LONP1: variants seen among roughly 807,000 people sequenced by gnomAD.
LONP1 encodes the protein lon protease homolog, mitochondrial.
LONP1 carries 31 observed loss-of-function variants against 98.5 expected under a neutral mutation model. That is an observed-to-expected ratio of 0.31 (90% CI 0.24 to 0.42). The LOEUF (loss-of-function observed/expected upper bound fraction) is 0.42, where lower values mean the gene tolerates loss of function less well. Among genes scored for constraint, LONP1 ranks in the 20% least tolerant of loss-of-function variants. The pLI, the probability that LONP1 is intolerant of heterozygous loss-of-function variation, is 1.00. For missense variants in LONP1, 1,336 were observed against 1,350.6 expected, an observed-to-expected ratio of 0.99 and a Z score of 0.17; for synonymous variants, 781 against 594.7, an observed-to-expected ratio of 1.31 and a Z score of -4.56.
chr19:5,693,274 T>C (rs1466979901), intron 17 of LONP1, 24 bp downstream of exon 17: 3 of 1,589,910 alleles, frequency 1.9e-6, no homozygotes, highest in Non-Finnish European at 2.6e-6. Context: ...GCCAGTGCTG[T>C]GGGGTGGGTA....
At chr19:5,696,592 C>G in intron 11 of LONP1, 78 bp downstream of exon 11, 2 of 1,477,092 alleles carry the variant, frequency 1.4e-6, no homozygotes, top group South Asian at 1.2e-5. Context: ...CTCGGGGATC[C>G]TAGGACCCGG....
intron 8 of LONP1, among the ~76,000 whole-genome samples, chr19:5,702,245 G>T (rs1168224386): frequency 2.1e-5 from 2 of 93,216 alleles, no homozygotes; most frequent in Admixed American, 2.0e-4. Flanking sequence ...CCGTCTGGGA[G>T]GGAGGTTGGG....
In LONP1 at chr19:5,714,223, C is replaced by T. The variant is rs148374055; in HGVS notation, c.478G>A (p.Ala160Thr). ...VELLRRKVRLAQPYVGVFLKR... is the reference protein window; with the variant it reads ...VELLRRKVRLTQPYVGVFLKR... ...AGAAAGACGCCGACATAAGGCTGGG[C>T]GAGACGAACTTTCCTTCTCAGCAGC... is the stretch of plus-strand genomic sequence containing the variant. The change falls in exon 2 of 18, where the codon GCC becomes ACC. Residue 160 changes from alanine to threonine, a missense_variant. This residue lies in a region of LONP1 where 457 missense variants were observed against 403.1 expected (regional missense o/e 1.13). Coordinates refer to ENST00000360614, the MANE Select transcript of LONP1 (RefSeq NM_004793.4). 1,223 of 1,613,970 alleles carry T rather than the reference C, an allele frequency of 7.6e-4. 4 individuals are homozygous for T. Among genetic ancestry groups the T allele is most frequent in the South Asian group, 1.7e-3 (155 of 91,064 alleles).
At chr19:5,698,256 G>A (rs140780401) in intron 10 of LONP1, among the ~76,000 whole-genome samples, 107 of 152,252 alleles carry the variant, frequency 7.0e-4, no homozygotes, top group Non-Finnish European at 5.9e-4. Context: ...CCGGGAGGTC[G>A]GGAGCTGGGG....
chr19:5,710,986 A>G (rs1425351944), intron 4 of LONP1, among the ~76,000 whole-genome samples: 4 of 151,806 alleles, frequency 2.6e-5, no homozygotes, highest in South Asian at 4.2e-4. Flanking sequence ...AGATCGTTCC[A>G]TTGCACTCCA....
intron 10 of LONP1, among the ~76,000 whole-genome samples, chr19:5,697,793 G>C (rs1001549723): frequency 1.3e-5 from 2 of 151,892 alleles, no homozygotes; most frequent in African/African-American, 4.8e-5. Flanking sequence ...GTCAGCAGAC[G>C]CCTGCCCTCC....
chr19:5,693,937 G>A (rs989136248), intron 15 of LONP1, among the ~76,000 whole-genome samples, 168 bp from the exon 16 acceptor site: 4 of 152,186 alleles, frequency 2.6e-5, no homozygotes, highest in African/African-American at 7.2e-5. Context: ...TACGTTTGCT[G>A]CGTTGCGGGT....
At chr19:5,698,357 G>A (rs1478511176) in intron 10 of LONP1, among the ~76,000 whole-genome samples, 1 of 152,198 alleles carries the variant, frequency 6.6e-6, no homozygotes, top group Non-Finnish European at 1.5e-5. Flanking sequence ...CTCAGCAGAT[G>A]CCTCACACTC....
rs540680398 is a variant in LONP1 at position 5,705,592 on chromosome 19, G to A, written c.1367+180C>T. Reference sequence around the variant, plus strand: ...CCGAGCCTCGATTTCCTTGTAGAATGGAGATGGTGATGATGTGTCCTGCCC... The same window carrying A: ...CCGAGCCTCGATTTCCTTGTAGAATAGAGATGGTGATGATGTGTCCTGCCC... On this transcript the variant is annotated intron_variant, in intron 8 of 17. Coordinates refer to ENST00000360614, the MANE Select transcript of LONP1 (RefSeq NM_004793.4). Among the ~76,000 whole-genome samples the A allele has an allele frequency of 2.6e-5, 4 of 152,318 alleles. No homozygotes were observed. In the South Asian group the frequency reaches 8.3e-4, roughly 32 times the overall value.
Position 5,694,453 on chromosome 19 carries a change from T to C in LONP1, c.2254A>G (p.Thr752Ala), listed in dbSNP as rs1025696600. ...GTCACGTCATACATGCGCTCCACGG[T>C]GAACACGGGCTTCCCCACGAAGTCC... The part of the protein sequence containing the change: ...LQDFVGKPVF[T>A]VERMYDVTPP... Residue 752 changes from threonine to alanine, a missense_variant, in exon 15 of 18, where the codon ACC (threonine) becomes GCC (alanine). By Grantham distance (58) the Thr-to-Ala change is moderately conservative (BLOSUM62 0). Around this residue, in one of 5 missense-constraint regions of LONP1, gnomAD observed 555 missense variants for 542.6 expected, o/e 1.02. Transcript: ENST00000360614. 5 of 1,613,368 alleles carry C rather than the reference T, an allele frequency of 3.1e-6. No homozygotes were observed. Among genetic ancestry groups the C allele is most frequent in the Middle Eastern group, 1.6e-4 (1 of 6,062 alleles).
intron 10 of LONP1, among the ~76,000 whole-genome samples, chr19:5,697,814 G>T (rs1022811199): frequency 6.6e-6 from 1 of 151,910 alleles, no homozygotes; most frequent in African/African-American, 2.4e-5. Context: ...CCGCAGCCCC[G>T]CTACCTGGTG....
In LONP1 at chr19:5,692,191, C is replaced by T; in HGVS notation, c.2721G>A (p.Val907=). The change falls in exon 18 of 18, where the codon GTG becomes GTA. Residue 907 remains valine (V), a synonymous_variant. Transcript: ENST00000360614. ...EKTIAAKRAG[V]TCIVLPAENK... ...TCTCGGCTGGCAGGACGATGCACGT[C>T]ACCCCTGCGCGCTTGGCCTGGGGGC... is the stretch of plus-strand genomic sequence containing the variant. The T allele has an allele frequency of 2.5e-6, 4 of 1,613,054 alleles. No individual in the cohort carries two copies. Among genetic ancestry groups the T allele is most frequent in the Non-Finnish European group, 3.4e-6 (4 of 1,179,318 alleles).
In LONP1 at chr19:5,696,123, C is replaced by A; in HGVS notation, c.1944G>T (p.Pro648=). The change falls in exon 13 of 18, where the codon CCG becomes CCT. Residue 648 remains proline (P), a synonymous_variant. Coordinates refer to ENST00000360614, the MANE Select transcript of LONP1 (RefSeq NM_004793.4). ...TANVTDTIPE[P]LRDRMEMINV... The stretch of plus-strand genomic sequence containing the variant: ...TGATCATCTCCATACGGTCTCGCAG[C>A]GGCTCGGGGATGGTGTCCGTGACGT... The A allele has an allele frequency of 1.2e-6, 2 of 1,613,016 alleles. No homozygotes were observed. Among genetic ancestry groups the A allele is most frequent in the Non-Finnish European group, 1.7e-6 (2 of 1,179,902 alleles).
At chr19:5,715,138 G>A (rs2055295606) in intron 1 of LONP1, 1 of 151,048 alleles carries the variant, frequency 6.6e-6, no homozygotes, top group African/African-American at 2.4e-5. Flanking sequence ...ATTCTTCTTA[G>A]CGGTTTCCCC....
At chr19:5,698,632 G>T (rs1046710870) in intron 10 of LONP1, among the ~76,000 whole-genome samples, 2 of 152,220 alleles carry the variant, frequency 1.3e-5, no homozygotes, top group African/African-American at 2.4e-5. Context: ...GCTTCGGGGT[G>T]GGGGGTGGAG....
chr19:5,692,013 T>C lies in LONP1; in HGVS notation c.*19A>G. The stretch of plus-strand genomic sequence containing the variant: ...CAGACAGGGCCTGACATCCGCCGCC[T>C]GCAGTCCCGGGGTGGCCGTCACCGT... On this transcript the variant is annotated 3_prime_UTR_variant, in exon 18 of 18. Coordinates refer to ENST00000360614, the MANE Select transcript of LONP1 (RefSeq NM_004793.4). 9.8e-7 allele frequency: 1 copy of C among 1,020,040 alleles called. No individual in the cohort carries two copies. The highest frequency in any genetic ancestry group is 1.5e-5 in the South Asian group (1 of 65,692). The allele number at this position is 1,020,040 out of a possible 1,614,324, so 63.2% of individuals were successfully genotyped here.
At chr19:5,704,244 C>T (rs1382615185) in intron 8 of LONP1, among the ~76,000 whole-genome samples, 1 of 152,222 alleles carries the variant, frequency 6.6e-6, no homozygotes, top group Non-Finnish European at 1.5e-5. Flanking sequence ...AACGGATTCT[C>T]CTCTGGAGCC....
intron 1 of LONP1, among the ~76,000 whole-genome samples, chr19:5,715,736 C>A (rs920048038): frequency 1.3e-5 from 2 of 148,704 alleles, no homozygotes; most frequent in African/African-American, 4.9e-5. Context: ...CGGCTCACTG[C>A]AACCTCCACC....
At position 5,693,254 on chromosome 19, in the gene LONP1, T is replaced by C. The variant is rs560636159; in HGVS notation, c.2703+44A>G. 3.1e-5 allele frequency: 48 copies of C among 1,572,860 alleles called. 1 individual carries two copies. In the South Asian group the frequency reaches 4.4e-4, roughly 14 times the overall value. On this transcript the variant is annotated intron_variant, in intron 17 of 17. Transcript: ENST00000360614. Reference sequence around the variant, plus strand: ...GGGGACTGGGCCTGTCCCGTGGTGGTGTGGGCCCTGCCAGTGCTGTGGGGT... The same window carrying C: ...GGGGACTGGGCCTGTCCCGTGGTGGCGTGGGCCCTGCCAGTGCTGTGGGGT...
Sources: gnomAD v4.1 joint callset for allele counts (sites outside exome capture counted in the v4.1 genomes callset) on GRCh38, gnomAD v4.1.1 for gene constraint, gnomAD v4.1.1 regional missense constraint, MANE v1.5 for transcripts, NCBI Gene and HGNC (gene_info 2026-07-23, HGNC 2026-07-21) for gene names.